The following MYO3B variants were observed in gnomAD, a reference collection of about 807,000 sequenced individuals.
MYO3B encodes myosin IIIB.
In MYO3B, 156 loss-of-function variants were observed where a neutral mutation model predicts 174.6. The observed-to-expected ratio is 0.89, with a 90% CI of 0.78 to 1.02. The LOEUF (loss-of-function observed/expected upper bound fraction) is 1.02. Among genes scored for constraint, MYO3B ranks in the 50% least tolerant of loss-of-function variants. The pLI, the probability that MYO3B is intolerant of heterozygous loss-of-function variation, is 0.00. For missense variants in MYO3B, 1,632 were observed against 1,639.4 expected (o/e 1.00, Z 0.08); for synonymous variants, 563 against 569.1 (o/e 0.99, Z 0.15).
In MYO3B at chr2:170,461,342, C is replaced by T. The variant is rs1235079136; in HGVS notation, c.2731-2026C>T. Among the ~76,000 whole-genome samples, 5 of 151,136 alleles carry T rather than the reference C, an allele frequency of 3.3e-5. No individual in the cohort carries two copies. In the East Asian group the frequency reaches 7.8e-4, roughly 24 times the overall value. On this transcript the variant is annotated intron_variant, in intron 23 of 34. Transcript: ENST00000408978. ...ACACAAAATTAGCTGGGCGTGGTGG[C>T]GGGCACCTGTAATCCCAGCTACTCA... is the stretch of plus-strand genomic sequence containing the variant.
chr2:170,507,410 T>A (rs1054251820), intron 28 of MYO3B, among the ~76,000 whole-genome samples: 3 of 151,942 alleles, frequency 2.0e-5, no homozygotes, highest in Non-Finnish European at 4.4e-5. Flanking sequence ...TTTCTTTTTC[T>A]TTTTTTTGAG....
chr2:170,528,068 CA>C (rs1689113656), intron 30 of MYO3B, among the ~76,000 whole-genome samples: 1 of 152,226 alleles, frequency 6.6e-6, no homozygotes, highest in Non-Finnish European at 1.5e-5. Context: ...TTGATTTGAG[CA>C]TCCTAGTTAG....
At chr2:170,289,678 G>T (rs954569103) in intron 7 of MYO3B, among the ~76,000 whole-genome samples, 2 of 151,412 alleles carry the variant, frequency 1.3e-5, no homozygotes, top group Admixed American at 6.6e-5. Context: ...ACGTTTTGTG[G>T]TTTTTTAGTC....
chr2:170,534,982 A>G (rs1305537530), intron 30 of MYO3B, among the ~76,000 whole-genome samples: 2 of 152,158 alleles, frequency 1.3e-5, no homozygotes, highest in African/African-American at 2.4e-5. Context: ...CTTTATTCAA[A>G]TGTCACTTTC....
intron 6 of MYO3B, among the ~76,000 whole-genome samples, chr2:170,217,873 A>G (rs1438534985): frequency 6.6e-6 from 1 of 152,194 alleles, no homozygotes; most frequent in African/African-American, 2.4e-5. Flanking sequence ...GTAGTGAAAC[A>G]TGGGATTTAT....
chr2:170,635,807 G>C (rs1184845073), intron 32 of MYO3B, among the ~76,000 whole-genome samples: 1 of 151,972 alleles, frequency 6.6e-6, no homozygotes, highest in African/African-American at 2.4e-5. Flanking sequence ...ATATCCAAAG[G>C]TCTAAAAAAG....
chr2:170,593,009 A>G (rs1575213897), intron 32 of MYO3B, among the ~76,000 whole-genome samples: 1 of 152,172 alleles, frequency 6.6e-6, no homozygotes, highest in Non-Finnish European at 1.5e-5. Flanking sequence ...AGATGGATAC[A>G]TAGATACATA....
At chr2:170,246,183 A>G (rs2093186786) in intron 7 of MYO3B, among the ~76,000 whole-genome samples, 1 of 152,212 alleles carries the variant, frequency 6.6e-6, no homozygotes, top group Admixed American at 6.5e-5. Context: ...TTTTAAAACT[A>G]CAGAGTCTCC....
At chr2:170,551,382 T>TTATG (rs57300775) in intron 32 of MYO3B, among the ~76,000 whole-genome samples, 2 of 138,760 alleles carry the variant, frequency 1.4e-5, no homozygotes, top group South Asian at 4.6e-4. Context: ...ATTTATTTAT[T>TTATG]TATTTTTAGG....
chr2:170,418,674 G>A (rs554435845), intron 22 of MYO3B, among the ~76,000 whole-genome samples: 29 of 152,240 alleles, frequency 1.9e-4, no homozygotes, highest in African/African-American at 6.5e-4. Context: ...TTCAGGAAAG[G>A]TCTAAGAGTT....
At chr2:170,601,860 G>A (rs6743969) in intron 32 of MYO3B, 98,451 of 881,832 alleles carry the variant, frequency 0.11, 9,010 homozygotes, top group African/African-American at 0.41. Flanking sequence ...TTGCAACATC[G>A]CTAATAGGCA....
At position 170,556,656 on chromosome 2, in the gene MYO3B, G is replaced by A. The variant is rs6724606; in HGVS notation, c.3733+12668G>A. Among the ~76,000 whole-genome samples, 1,354 of 152,242 alleles carry A rather than the reference G, an allele frequency of 8.9e-3. 32 individuals carry two copies. The highest frequency in any genetic ancestry group is 0.031 in the African/African-American group (1,278 of 41,536). ...CCTGCCTCAGCTTCCCAAGTAGCTGGGATTACAGGCATGTGTCACCACGTC... is the reference window on the plus strand; with the variant it reads ...CCTGCCTCAGCTTCCCAAGTAGCTGAGATTACAGGCATGTGTCACCACGTC... On this transcript the variant is annotated intron_variant, in intron 32 of 34. Coordinates refer to ENST00000408978, the MANE Select transcript of MYO3B (RefSeq NM_138995.5).
chr2:170,323,715 A>G (rs546648019), intron 7 of MYO3B, among the ~76,000 whole-genome samples: 4 of 152,362 alleles, frequency 2.6e-5, no homozygotes, highest in Admixed American at 6.5e-5. Context: ...AAATCAGCAC[A>G]TTATTAGCAC....
At chr2:170,632,054 C>G (rs1697035242) in intron 32 of MYO3B, among the ~76,000 whole-genome samples, 1 of 141,978 alleles carries the variant, frequency 7.0e-6, no homozygotes, top group Non-Finnish European at 1.5e-5. Flanking sequence ...TTTAACACCC[C>G]ACTGTCAATA....
intron 1 of MYO3B, among the ~76,000 whole-genome samples, chr2:170,187,396 C>A (rs1183593190): frequency 6.6e-6 from 1 of 152,042 alleles, no homozygotes; most frequent in African/African-American, 2.4e-5. Flanking sequence ...GCATACCTGG[C>A]TAATTTCTGT....
chr2:170,519,671 A>G (rs968627904), intron 30 of MYO3B, 131 bp downstream of exon 30: 1 of 804,142 alleles, frequency 1.2e-6, no homozygotes, highest in Non-Finnish European at 2.0e-6. Flanking sequence ...GAGAGAGTGG[A>G]ACCAAAAAGC....
chr2:170,644,774 GAC>G (rs746162412), intron 32 of MYO3B: 1 of 152,266 alleles, frequency 6.6e-6, no homozygotes, highest in Non-Finnish European at 1.5e-5. Context: ...GCCACAGTGT[GAC>G]AGTTTGGGAT....
intron 7 of MYO3B, among the ~76,000 whole-genome samples, chr2:170,276,607 G>A (rs756736788): frequency 6.6e-6 from 1 of 152,152 alleles, no homozygotes; most frequent in Non-Finnish European, 1.5e-5. Flanking sequence ...AATAAATCAT[G>A]AAATTGATAT....
chr2:170,295,453 T>C (rs943231547), intron 7 of MYO3B, among the ~76,000 whole-genome samples: 2 of 151,976 alleles, frequency 1.3e-5, no homozygotes, highest in Non-Finnish European at 1.5e-5. Flanking sequence ...TAATATACTA[T>C]ATTGATTTAA....
Sources: allele counts gnomAD v4.1 joint callset (sites outside exome capture counted in the v4.1 genomes callset), GRCh38; gene constraint gnomAD v4.1.1; transcripts MANE v1.5; gene names NCBI Gene and HGNC (gene_info 2026-07-23, HGNC 2026-07-21).